Variants in DISP1 observed in about 807,000 individuals in gnomAD.
DISP1 encodes protein dispatched homolog 1.
DISP1 carries 30 observed loss-of-function variants against 37.3 expected under a neutral mutation model. That is an observed-to-expected ratio of 0.80 (90% CI 0.60 to 1.09). The LOEUF (loss-of-function observed/expected upper bound fraction) is 1.09, where lower values mean the gene tolerates loss of function less well. Among genes scored for constraint, DISP1 ranks in the 50% least tolerant of loss-of-function variants. The pLI is 0.00. For synonymous variants in DISP1, 634 were observed against 690.2 expected, an observed-to-expected ratio of 0.92 and a Z score of 1.28; for missense variants, 1,598 against 1,879.5, an observed-to-expected ratio of 0.85 and a Z score of 2.77.
intron 1 of DISP1, among the ~76,000 whole-genome samples, chr1:222,890,924 A>C (rs1670903975): frequency 6.6e-6 from 1 of 152,104 alleles, no homozygotes; most frequent in African/African-American, 2.4e-5. Flanking sequence ...TAAGGACATC[A>C]GTCATACTGG....
At chr1:222,989,300 T>C (rs1678514155) in intron 4 of DISP1, 1 of 898,770 alleles carries the variant, frequency 1.1e-6, no homozygotes, top group Non-Finnish European at 1.3e-6. Flanking sequence ...TTACTGAGAA[T>C]TTGAGAGTAG....
At chr1:222,887,212 C>A (rs1184587758) in intron 1 of DISP1, among the ~76,000 whole-genome samples, 1 of 152,204 alleles carries the variant, frequency 6.6e-6, no homozygotes, top group African/African-American at 2.4e-5. Flanking sequence ...TACCCTCTTA[C>A]ACTTTAAAAT....
chr1:222,865,322 C>T (rs887213886), intron 1 of DISP1, among the ~76,000 whole-genome samples: 1 of 152,022 alleles, frequency 6.6e-6, no homozygotes, highest in Non-Finnish European at 1.5e-5. Flanking sequence ...ATTATTAAGA[C>T]TTTTTCACAA....
intron 1 of DISP1, among the ~76,000 whole-genome samples, chr1:222,861,802 G>T (rs1266783778): frequency 6.6e-6 from 1 of 151,956 alleles, no homozygotes; most frequent in Non-Finnish European, 1.5e-5. Context: ...TTACACTATA[G>T]GCCATATTAA....
At chr1:222,838,317 G>C (rs1195948861) in intron 1 of DISP1, among the ~76,000 whole-genome samples, 1 of 151,962 alleles carries the variant, frequency 6.6e-6, no homozygotes, top group East Asian at 1.9e-4. Context: ...TTATATCCCT[G>C]ATAATTTTTA....
chr1:222,874,731 G>C (rs956986129), intron 1 of DISP1, among the ~76,000 whole-genome samples: 3 of 152,088 alleles, frequency 2.0e-5, no homozygotes, highest in African/African-American at 7.2e-5. Flanking sequence ...AGAGTAGTTT[G>C]ATCTTCTGAA....
chr1:222,950,397 G>A (rs913726454), intron 3 of DISP1, among the ~76,000 whole-genome samples: 27 of 152,108 alleles, frequency 1.8e-4, no homozygotes, highest in Admixed American at 4.6e-4. Flanking sequence ...TCAGGAGATC[G>A]AGACCGTCCT....
Position 223,002,507 on chromosome 1 carries a change from A to G in DISP1, c.1110A>G (p.Ile370Met), listed in dbSNP as rs111547845. 1 of 1,614,156 alleles carries G rather than the reference A, an allele frequency of 6.2e-7. No individual in the cohort carries two copies. Among genetic ancestry groups the G allele is most frequent in the Non-Finnish European group, 8.5e-7 (1 of 1,180,020 alleles). The change falls in exon 9 of 9, where the codon ATA (isoleucine) becomes ATG (methionine). Residue 370 changes from isoleucine to methionine, a missense_variant. By Grantham distance (10) the Ile-to-Met change is conservative. Coordinates refer to ENST00000675850, the MANE Select transcript of DISP1 (RefSeq NM_001377229.1). ...ILNNRSSCQK[I>M]VERDVSHTLK... ...ACAATAGATCGTCCTGTCAGAAAAT[A>G]GTTGAGCGAGACGTTTCTCATACCT... is the stretch of plus-strand genomic sequence containing the variant.
intron 8 of DISP1, among the ~76,000 whole-genome samples, chr1:222,997,922 A>T (rs930874411): frequency 5.3e-5 from 8 of 152,134 alleles, no homozygotes; most frequent in Non-Finnish European, 1.0e-4. Context: ...CAAATGAATA[A>T]ATAGGTGATC....
At chr1:222,951,894 A>G (rs544110115) in intron 3 of DISP1, among the ~76,000 whole-genome samples, 89 of 152,368 alleles carry the variant, frequency 5.8e-4, no homozygotes, top group African/African-American at 2.1e-3. Flanking sequence ...TCTGGAGCAC[A>G]GAAGTTAAAT....
intron 1 of DISP1, among the ~76,000 whole-genome samples, chr1:222,901,068 G>T (rs1441225163): frequency 6.6e-6 from 1 of 152,184 alleles, no homozygotes; most frequent in African/African-American, 2.4e-5. Flanking sequence ...ATTTTTAGAA[G>T]TAAGGAAAGA....
intron 1 of DISP1, among the ~76,000 whole-genome samples, chr1:222,823,374 G>C (rs1663446009): frequency 6.6e-6 from 1 of 152,194 alleles, no homozygotes; most frequent in Non-Finnish European, 1.5e-5. Flanking sequence ...ATGCAGTCAT[G>C]TCTTTTGCAG....
intron 1 of DISP1, among the ~76,000 whole-genome samples, chr1:222,820,366 A>G (rs1662534710): frequency 6.6e-6 from 1 of 152,178 alleles, no homozygotes; most frequent in Non-Finnish European, 1.5e-5. Context: ...AAGTTAGCAC[A>G]AGCTAGCCAT....
At chr1:222,836,638 G>A (rs1667111389) in intron 1 of DISP1, among the ~76,000 whole-genome samples, 1 of 151,708 alleles carries the variant, frequency 6.6e-6, no homozygotes, top group Non-Finnish European at 1.5e-5. Flanking sequence ...AAATATCAAG[G>A]TCCTTTCCAC....
Position 223,002,877 on chromosome 1 carries a change from AGTTT to A in DISP1, c.1485_1488del (p.Leu495PhefsTer6), listed in dbSNP as rs1462608117. On this transcript the variant is annotated frameshift_variant, in exon 9 of 9. Transcript: ENST00000675850. LOFTEE classifies it low-confidence loss of function (END_TRUNC). The stretch of plus-strand genomic sequence containing the variant: ...CGGGATTGAGTTTGGTATCAAACAC[AGTTT>A]GTTTCAGGATTATCTTCTAATGGAT... 4 of 1,613,908 alleles carry A rather than the reference AGTTT, an allele frequency of 2.5e-6. No homozygotes were observed. Among genetic ancestry groups the A allele is most frequent in the Non-Finnish European group, 3.4e-6 (4 of 1,180,036 alleles).
chr1:222,972,643 C>T (rs992637707), intron 3 of DISP1, among the ~76,000 whole-genome samples: 3 of 152,116 alleles, frequency 2.0e-5, no homozygotes, highest in Non-Finnish European at 4.4e-5. Context: ...CTATCTGAAA[C>T]CTACTTATGT....
chr1:222,977,186 T>C (rs1036127786), intron 3 of DISP1, among the ~76,000 whole-genome samples: 1 of 144,264 alleles, frequency 6.9e-6, no homozygotes, highest in Non-Finnish European at 1.5e-5. Context: ...TGCACCACCA[T>C]GCCCGGCTAG....
chr1:222,926,417 T>C (rs906653223), intron 1 of DISP1, among the ~76,000 whole-genome samples: 14 of 152,204 alleles, frequency 9.2e-5, no homozygotes, highest in Non-Finnish European at 1.9e-4. Flanking sequence ...ATTTTCTGTC[T>C]GGTATATACA....
intron 3 of DISP1, among the ~76,000 whole-genome samples, chr1:222,978,299 T>A (rs1207212741): frequency 6.6e-6 from 1 of 152,216 alleles, no homozygotes; most frequent in African/African-American, 2.4e-5. Context: ...TTCATGTGTT[T>A]TTTGGCTGCA....
Sources: allele counts gnomAD v4.1 joint callset (sites outside exome capture counted in the v4.1 genomes callset), GRCh38; gene constraint gnomAD v4.1.1; transcripts MANE v1.5; gene names NCBI Gene and HGNC (gene_info 2026-07-23, HGNC 2026-07-21).